The following PES1 variants were observed in gnomAD, a reference collection of about 807,000 sequenced individuals.
PES1 encodes pescadillo ribosomal biogenesis factor 1.
A neutral mutation model predicts 77.1 loss-of-function variants in PES1; 31 were observed. The observed-to-expected ratio is 0.40, with a 90% CI of 0.30 to 0.54. The LOEUF (loss-of-function observed/expected upper bound fraction) is 0.54. Among genes scored for constraint, PES1 ranks in the 20% least tolerant of loss-of-function variants. PES1 has a pLI of 0.45. For missense variants in PES1, 658 were observed against 771.7 expected, an observed-to-expected ratio of 0.85 and a Z score of 1.75; for synonymous variants, 282 against 303.0, an observed-to-expected ratio of 0.93 and a Z score of 0.72.
At chr22:30,585,194 G>A (rs529303375) in intron 4 of PES1, 62 of 457,792 alleles carry the variant, frequency 1.4e-4, no homozygotes, top group African/African-American at 6.4e-4. Flanking sequence ...GCCACCGGTC[G>A]CCAGCGTAGG....
intron 3 of PES1, 115 bp from the exon 4 acceptor site, chr22:30,587,510 A>C (rs2087109903): frequency 1.3e-6 from 1 of 743,588 alleles, no homozygotes; most frequent in Non-Finnish European, 2.2e-6. Context: ...GAAGCTGGCC[A>C]CGGCTATGTG....
At chr22:30,577,567 C>G (rs1296022321) in intron 14 of PES1, among the ~76,000 whole-genome samples, 1 of 152,362 alleles carries the variant, frequency 6.6e-6, no homozygotes, top group Non-Finnish European at 1.5e-5. Flanking sequence ...GTGGCACAAT[C>G]ATAGCTCACT....
At chr22:30,600,935 A>ATC (rs145722020) in intron 2 of PES1, among the ~76,000 whole-genome samples, 1 of 152,282 alleles carries the variant, frequency 6.6e-6, no homozygotes, top group South Asian at 2.1e-4. Context: ...GGCTGGATCG[A>ATC]TCTCTCTCTC....
chr22:30,597,877 G>GTTTTTTTTTTTTTTTTTTTTTTT lies in PES1; in HGVS notation c.-660-5480_-660-5479insAAAAAAAAAAAAAAAAAAAAAAA, dbSNP rs869064352. ...TCGGTTTTTTTTCCACGCAGTTGAAGTTTTGTTTTTTTTTTTTTTGTTTTG... is the reference window on the plus strand; with the variant it reads ...TCGGTTTTTTTTCCACGCAGTTGAAGTTTTTTTTTTTTTTTTTTTTTTTTTTTGTTTTTTTTTTTTTTGTTTTG... On this transcript the variant is annotated intron_variant, in intron 2 of 16. Transcript: ENST00000402281. Among the ~76,000 whole-genome samples the GTTTTTTTTTTTTTTTTTTTTTTT allele has an allele frequency of 2.2e-5, 2 of 90,576 alleles. 1 individual carries two copies. Among genetic ancestry groups the GTTTTTTTTTTTTTTTTTTTTTTT allele is most frequent in the Admixed American group, 2.2e-4 (2 of 9,084 alleles). 59.4% of individuals were successfully genotyped at this position (90,576 alleles called of 152,430 possible).
chr22:30,584,233 G>T (rs548440177), intron 6 of PES1, 132 bp downstream of exon 6: 27 of 703,202 alleles, frequency 3.8e-5, no homozygotes, highest in Admixed American at 3.1e-4. Flanking sequence ...ATTCTGCCGC[G>T]CCTCACCCCT....
chr22:30,594,427 G>A (rs557211951), upstream of PES1, among the ~76,000 whole-genome samples: 2 of 152,158 alleles, frequency 1.3e-5, no homozygotes, highest in East Asian at 3.9e-4. Flanking sequence ...GGCCAAGGCA[G>A]AAAAATCACC....
At chr22:30,589,352 G>C in intron 1 of PES1, 82 bp from the exon 2 acceptor site, 1 of 1,137,610 alleles carries the variant, frequency 8.8e-7, no homozygotes, top group Non-Finnish European at 1.3e-6. Flanking sequence ...AGTTCCAGAG[G>C]CAACTATCAC....
intron 1 of PES1, among the ~76,000 whole-genome samples, chr22:30,605,675 A>G (rs1206788090): frequency 6.6e-6 from 1 of 152,136 alleles, no homozygotes; most frequent in African/African-American, 2.4e-5. Flanking sequence ...TGGGCTCCCC[A>G]CTGGCCTCCC....
chr22:30,597,485 C>G (rs950085512), intron 2 of PES1, among the ~76,000 whole-genome samples: 14 of 151,244 alleles, frequency 9.3e-5, no homozygotes, highest in Non-Finnish European at 1.5e-5. Context: ...CGCTCTGTGT[C>G]TAGCTGATCT....
Position 30,599,976 on chromosome 22 carries a change from A to G in PES1, c.-661+5485T>C, listed in dbSNP as rs187229873. On this transcript the variant is annotated intron_variant, in intron 2 of 16. Transcript: ENST00000402281. The stretch of plus-strand genomic sequence containing the variant: ...TATAAATACAATTGTCATGTAATTT[A>G]AAATATTTATGTTAAATTAAATAAC... Among the ~76,000 whole-genome samples the G allele has an allele frequency of 5.3e-5, 8 of 152,352 alleles. No individual in the cohort carries two copies. The East Asian group carries it at 1.5e-3, about 29-fold the overall frequency.
At chr22:30,596,761 G>A (rs973044722), upstream of PES1, among the ~76,000 whole-genome samples, 4 of 152,218 alleles carry the variant, frequency 2.6e-5, no homozygotes, top group Non-Finnish European at 5.9e-5. Context: ...TTCTGGCCAC[G>A]CTTGAGGAGC....
At chr22:30,586,719 T>C (rs1410643587) in intron 4 of PES1, among the ~76,000 whole-genome samples, 1 of 152,202 alleles carries the variant, frequency 6.6e-6, no homozygotes, top group Non-Finnish European at 1.5e-5. Context: ...ATCCCAGCAC[T>C]TTGAGAGGCC....
rs1490720541 is a variant in PES1 at position 30,587,317 on chromosome 22, T to C, written c.337A>G (p.Asn113Asp). ...TVERLKDNKP[N>D]YKLDHIIKER... ...TTGATGATGTGGTCGAGTTTGTAGT[T>C]GGGCTTATTGTCCTTTAAACGCTCT... Residue 113 changes from asparagine to aspartate, a missense_variant, in exon 4 of 15, where the codon AAC becomes GAC. Coordinates refer to ENST00000354694, the MANE Select transcript of PES1 (RefSeq NM_014303.4). The C allele has an allele frequency of 6.2e-7, 1 of 1,613,448 alleles. No individual in the cohort carries two copies. The highest frequency in any genetic ancestry group is 1.3e-5 in the African/African-American group (1 of 74,892).
intron 14 of PES1, among the ~76,000 whole-genome samples, 192 bp downstream of exon 14, chr22:30,578,645 T>G (rs1255692295): frequency 1.3e-5 from 2 of 152,130 alleles, no homozygotes; most frequent in African/African-American, 2.4e-5. Context: ...AGGCCGGAGA[T>G]GGCAGTACCA....
At chr22:30,585,635 A>G (rs1365647238) in intron 4 of PES1, among the ~76,000 whole-genome samples, 1 of 130,792 alleles carries the variant, frequency 7.6e-6, no homozygotes, top group Non-Finnish European at 1.5e-5. Flanking sequence ...TACTTTTTCT[A>G]TTTTCTTTTT....
In PES1 at chr22:30,578,852, C is replaced by T; in HGVS notation, c.1668G>A (p.Arg556=). ...YLYQKIMFGK[R]RKIREANKLA... is the part of the protein sequence containing the mutation. Reference sequence around the variant, plus strand: ...AAGAACTCACCTCTCGGATTTTTCGCCTCTTGCCAAACATGATCTTCTGGT... The same window carrying T: ...AAGAACTCACCTCTCGGATTTTTCGTCTCTTGCCAAACATGATCTTCTGGT... Residue 556 remains arginine (R), a synonymous_variant, in exon 14 of 15, where the codon AGG becomes AGA. Transcript: ENST00000354694. The T allele has an allele frequency of 6.2e-7, 1 of 1,612,386 alleles. No homozygotes were observed.
At position 30,576,859 on chromosome 22, in the gene PES1, G is replaced by A. The variant is rs957987316; in HGVS notation, c.*187C>T. 3.3e-6 allele frequency: 2 copies of A among 606,922 alleles called. No homozygotes were observed. The highest frequency in any genetic ancestry group is 1.9e-5 in the African/African-American group (1 of 53,960). The allele number at this position is 606,922 out of a possible 1,614,324, so 37.6% of individuals were successfully genotyped here. On this transcript the variant is annotated 3_prime_UTR_variant, in exon 15 of 15. Transcript: ENST00000354694. The stretch of plus-strand genomic sequence containing the variant: ...CCTCTTCTCTGACCAGGCACCAGCA[G>A]GGCAGCTCCATCCAAGGGAAGCGAG...
chr22:30,581,361 G>A lies in PES1; in HGVS notation c.795C>T (p.Tyr265=), dbSNP rs760838970. The change falls in exon 8 of 15, where the codon TAC becomes TAT. Residue 265 remains tyrosine, a synonymous_variant. Transcript: ENST00000354694. ...QAEAKAGEGT[Y]ALDSESCMEK... ...CCATACAACTCTCGGAGTCCAACGC[G>A]TAGGTGCCCTCACCGGCCTTTGCCT... is the stretch of plus-strand genomic sequence containing the variant. 29 of 1,613,712 alleles carry A rather than the reference G, an allele frequency of 1.8e-5. No individual in the cohort carries two copies. The highest frequency in any genetic ancestry group is 2.2e-5 in the East Asian group (1 of 44,890).
In PES1 at chr22:30,584,410, C is replaced by T. The variant is rs1264701517; in HGVS notation, c.585G>A (p.Leu195=). ...IKGIYYQAEV[L]GQPIVWITPY... ...GAGTGATCCACACGATGGGCTGCCCCAGTACCTCGGCCTGGTAGTAAATGC... is the reference window on the plus strand; with the variant it reads ...GAGTGATCCACACGATGGGCTGCCCTAGTACCTCGGCCTGGTAGTAAATGC... The change falls in exon 6 of 15, where the codon CTG becomes CTA. Residue 195 remains leucine (L), a synonymous_variant. Transcript: ENST00000354694. 4 of 1,612,650 alleles carry T rather than the reference C, an allele frequency of 2.5e-6. No homozygotes were observed. The highest frequency in any genetic ancestry group is 1.7e-6 in the Non-Finnish European group (2 of 1,179,348).
Sources: gnomAD v4.1 joint callset for allele counts (sites outside exome capture counted in the v4.1 genomes callset) on GRCh38, gnomAD v4.1.1 for gene constraint, MANE v1.5 for transcripts, NCBI Gene and HGNC (gene_info 2026-07-23, HGNC 2026-07-21) for gene names.